Variants in BCAS3 observed in about 807,000 individuals in gnomAD.
The protein encoded by BCAS3 is BCAS3 microtubule associated cell migration factor.
BCAS3 carries 53 observed loss-of-function variants against 116.1 expected under a neutral mutation model. That is an observed-to-expected ratio of 0.46 (90% CI 0.37 to 0.57). The LOEUF (loss-of-function observed/expected upper bound fraction) is 0.57. Among genes scored for constraint, BCAS3 ranks in the 20% least tolerant of loss-of-function variants. The pLI, the probability that BCAS3 is intolerant of heterozygous loss-of-function variation, is 0.00. For synonymous variants in BCAS3, 391 were observed against 408.2 expected, an observed-to-expected ratio of 0.96 and a Z score of 0.51; for missense variants, 917 against 1,165.4, an observed-to-expected ratio of 0.79 and a Z score of 3.10.
intron 22 of BCAS3, among the ~76,000 whole-genome samples, chr17:61,201,298 G>T (rs1289153037): frequency 6.6e-6 from 1 of 152,216 alleles, no homozygotes; most frequent in African/African-American, 2.4e-5. Flanking sequence ...GAGCACTGAA[G>T]TGTGTGTGTT....
chr17:60,792,549 G>A (rs74991173), intron 6 of BCAS3, among the ~76,000 whole-genome samples: 3,545 of 152,304 alleles, frequency 0.023, 124 homozygotes, highest in African/African-American at 0.072. Flanking sequence ...TCCGGCTGGC[G>A]AAGTGACACT....
In BCAS3 at chr17:61,198,132, GTTT is replaced by G. The variant is rs11311858; in HGVS notation, c.2425+113578_2425+113580del. Among the ~76,000 whole-genome samples, 1 of 143,654 alleles carries G rather than the reference GTTT, an allele frequency of 7.0e-6. No homozygotes were observed. The highest frequency in any genetic ancestry group is 1.5e-5 in the Non-Finnish European group (1 of 65,482). The allele number at this position is 143,654 out of a possible 152,430, so 94.2% of individuals were successfully genotyped here. On this transcript the variant is annotated intron_variant, in intron 22 of 23. Coordinates refer to ENST00000407086, the MANE Select transcript of BCAS3 (RefSeq NM_017679.5). This position sits in a 1 kb window ranked among gnomAD's most constrained non-coding sequence, Gnocchi z 5.0. Reference sequence around the variant, plus strand: ...GCGATTAAGATAAAGTGCAAGATATGTTTTTTTTTTTTCTTTTTTTTTTTTTGA... The same window carrying G: ...GCGATTAAGATAAAGTGCAAGATATGTTTTTTTTTCTTTTTTTTTTTTTGA...
chr17:60,815,441 A>G (rs2049288438), intron 7 of BCAS3, among the ~76,000 whole-genome samples: 1 of 152,124 alleles, frequency 6.6e-6, no homozygotes, highest in Admixed American at 6.5e-5. Flanking sequence ...CTTAAAGTGT[A>G]ATAATAAAAA....
chr17:61,038,638 A>G (rs975021983), intron 18 of BCAS3, among the ~76,000 whole-genome samples: 1 of 121,704 alleles, frequency 8.2e-6, no homozygotes, highest in Non-Finnish European at 1.7e-5. Flanking sequence ...ACAATACTTC[A>G]TTCCTTTTTT....
chr17:61,343,140 A>G lies in BCAS3; in HGVS notation c.2426-25187A>G, dbSNP rs1270594337. ...GCTCCTGGGCCACCGAGGAGGGTCA[A>G]TTCGTGGAGGGGTGGCACCAAATGC... is the stretch of plus-strand genomic sequence containing the variant. On this transcript the variant is annotated intron_variant, in intron 22 of 23. Coordinates refer to ENST00000407086, the MANE Select transcript of BCAS3 (RefSeq NM_017679.5). The surrounding 1 kb of genome is among the most constrained non-coding windows in gnomAD (Gnocchi z 5.5). 2.0e-5 allele frequency among the ~76,000 whole-genome samples: 3 copies of G among 152,162 alleles called. No homozygotes were observed. Among genetic ancestry groups the G allele is most frequent in the Non-Finnish European group, 2.9e-5 (2 of 68,030 alleles).
At chr17:60,716,055 G>A (rs148680597) in intron 5 of BCAS3, among the ~76,000 whole-genome samples, 2 of 151,808 alleles carry the variant, frequency 1.3e-5, no homozygotes, top group African/African-American at 4.8e-5. Flanking sequence ...TAGAGACGGG[G>A]TTTCACCATG....
chr17:60,825,502 ATTAT>A (rs1266015011), intron 7 of BCAS3, among the ~76,000 whole-genome samples: 11 of 143,678 alleles, frequency 7.7e-5, no homozygotes, highest in Non-Finnish European at 1.1e-4. Flanking sequence ...ATAAATAATA[ATTAT>A]TTATAATAAT....
At position 61,019,006 on chromosome 17, in the gene BCAS3, G is replaced by A. The variant is rs891605305; in HGVS notation, c.1637+3105G>A. Among the ~76,000 whole-genome samples the A allele has an allele frequency of 6.6e-6, 1 of 152,022 alleles. No homozygotes were observed. The highest frequency in any genetic ancestry group is 2.4e-5 in the African/African-American group (1 of 41,354). On this transcript the variant is annotated intron_variant, in intron 16 of 23. Coordinates refer to ENST00000407086, the MANE Select transcript of BCAS3 (RefSeq NM_017679.5). This position sits in a 1 kb window ranked among gnomAD's most constrained non-coding sequence, Gnocchi z 5.6. ...TAATATAGAGTACAGTGACTGATAAGACTTTGATGATAGTGGTCAGTCATA... is the reference window on the plus strand; with the variant it reads ...TAATATAGAGTACAGTGACTGATAAAACTTTGATGATAGTGGTCAGTCATA...
At chr17:60,969,875 T>C (rs2061859075) in intron 14 of BCAS3, among the ~76,000 whole-genome samples, 1 of 152,206 alleles carries the variant, frequency 6.6e-6, no homozygotes, top group African/African-American at 2.4e-5. Flanking sequence ...GACAGTGGAA[T>C]AACATGTCTG....
intron 6 of BCAS3, among the ~76,000 whole-genome samples, chr17:60,796,966 C>A (rs535635570): frequency 2.6e-5 from 4 of 152,114 alleles, no homozygotes; most frequent in Non-Finnish European, 5.9e-5. Context: ...AGTGCTGTGG[C>A]GTGATCTCGG....
chr17:60,924,986 T>C (rs1037944464), intron 13 of BCAS3, among the ~76,000 whole-genome samples: 2 of 152,086 alleles, frequency 1.3e-5, no homozygotes, highest in African/African-American at 4.8e-5. Context: ...CCTTTTAATA[T>C]AGCATACAAT....
chr17:60,991,610 G>A (rs530622202), intron 15 of BCAS3, among the ~76,000 whole-genome samples: 1 of 152,178 alleles, frequency 6.6e-6, no homozygotes, highest in Admixed American at 6.5e-5. Context: ...GGTTACCACA[G>A]AAAGTCATTG....
chr17:60,984,287 C>A (rs546526487), intron 14 of BCAS3, among the ~76,000 whole-genome samples: 4 of 152,224 alleles, frequency 2.6e-5, no homozygotes, highest in East Asian at 1.9e-4. Flanking sequence ...ATTCCAGGCT[C>A]TATTAGAAAC....
intron 4 of BCAS3, among the ~76,000 whole-genome samples, chr17:60,690,519 G>A (rs1223042185): frequency 1.3e-5 from 2 of 151,422 alleles, no homozygotes; most frequent in South Asian, 2.1e-4. Context: ...GCAGTGAGCC[G>A]AGATCGTGCC....
At chr17:60,819,415 T>C (rs978371461) in intron 7 of BCAS3, among the ~76,000 whole-genome samples, 3 of 152,246 alleles carry the variant, frequency 2.0e-5, no homozygotes, top group Non-Finnish European at 4.4e-5. Flanking sequence ...ATTTAAACTA[T>C]GGACACATCT....
At chr17:60,732,282 T>C (rs1335688423) in intron 5 of BCAS3, among the ~76,000 whole-genome samples, 1 of 152,200 alleles carries the variant, frequency 6.6e-6, no homozygotes, top group African/African-American at 2.4e-5. Context: ...GGTTAGTACA[T>C]GTGAAACAAT....
At chr17:60,959,771 C>T (rs1282342979) in intron 14 of BCAS3, among the ~76,000 whole-genome samples, 1 of 152,148 alleles carries the variant, frequency 6.6e-6, no homozygotes, top group African/African-American at 2.4e-5. Context: ...TATTCTCCTA[C>T]AGTTTTGGAG....
intron 16 of BCAS3, among the ~76,000 whole-genome samples, chr17:61,024,811 C>A (rs2066119265): frequency 6.6e-6 from 1 of 151,856 alleles, no homozygotes; most frequent in Non-Finnish European, 1.5e-5. Flanking sequence ...TTCATTTTTG[C>A]TTGTTTGGTT....
intron 22 of BCAS3, among the ~76,000 whole-genome samples, chr17:61,168,745 ACTT>A (rs1329325915): frequency 6.6e-6 from 1 of 152,190 alleles, no homozygotes; most frequent in Non-Finnish European, 1.5e-5. Context: ...CAGTTCATTA[ACTT>A]CTTCTGAAGG....
Sources: allele counts gnomAD v4.1 joint callset (sites outside exome capture counted in the v4.1 genomes callset), GRCh38; gene constraint gnomAD v4.1.1; non-coding constraint Gnocchi (gnomAD v3.1); transcripts MANE v1.5; gene names NCBI Gene and HGNC (gene_info 2026-07-23, HGNC 2026-07-21).